The following ME3 variants were observed in gnomAD, a reference collection of about 807,000 sequenced individuals.
ME3 encodes NADP-dependent malic enzyme, mitochondrial.
Under a neutral mutation model 68.9 loss-of-function variants are expected in ME3, and 48 were observed. The observed-to-expected ratio is 0.70, with a 90% CI of 0.55 to 0.89. The LOEUF is 0.89. ME3 is among the 40% of genes least tolerant of loss of function. The pLI, the probability that ME3 is intolerant of heterozygous loss-of-function variation, is 0.00. For synonymous variants in ME3, 320 were observed against 318.8 expected (o/e 1.00, Z -0.04); for missense variants, 675 against 797.4 (o/e 0.85, Z 1.85).
intron 2 of ME3, among the ~76,000 whole-genome samples, chr11:86,596,661 A>C (rs1159947929): frequency 6.6e-6 from 1 of 152,218 alleles, no homozygotes; most frequent in African/African-American, 2.4e-5. Flanking sequence ...GACCTTAAGG[A>C]TCACCTAGGC....
At chr11:86,571,556 A>C (rs1020895995) in intron 2 of ME3, among the ~76,000 whole-genome samples, 1 of 152,250 alleles carries the variant, frequency 6.6e-6, no homozygotes, top group African/African-American at 2.4e-5. Context: ...TGAGAAATTG[A>C]ATTTTGTATT....
intron 2 of ME3, among the ~76,000 whole-genome samples, chr11:86,654,516 T>A (rs1359327861): frequency 3.9e-5 from 6 of 152,218 alleles, no homozygotes; most frequent in Admixed American, 3.9e-4. Context: ...TCTCAATAGA[T>A]GCAGAAAAGG....
intron 8 of ME3, among the ~76,000 whole-genome samples, chr11:86,459,373 T>G (rs1197099295): frequency 6.6e-6 from 1 of 152,166 alleles, no homozygotes; most frequent in Admixed American, 6.5e-5. Context: ...GTCTCCTCTT[T>G]CCTTCTTCCC....
intron 5 of ME3, among the ~76,000 whole-genome samples, chr11:86,502,333 C>T (rs1351394935): frequency 5.3e-5 from 8 of 152,196 alleles, no homozygotes; most frequent in African/African-American, 1.7e-4. Context: ...CACTCCCTTC[C>T]TTGTATTATA....
intron 2 of ME3, among the ~76,000 whole-genome samples, chr11:86,638,081 C>G (rs1944457396): frequency 6.6e-6 from 1 of 151,962 alleles, no homozygotes; most frequent in Non-Finnish European, 1.5e-5. Flanking sequence ...CCACAGGAGC[C>G]CCCCAGGCCT....
Position 86,600,226 on chromosome 11 carries a change from C to G in ME3, c.184-40403G>C, listed in dbSNP as rs571042774. Reference sequence around the variant, plus strand: ...GAAACCCATCTCACGTGCAGAGACACACATAGGCTCAAAATAAAAGGATGG... The same window carrying G: ...GAAACCCATCTCACGTGCAGAGACAGACATAGGCTCAAAATAAAAGGATGG... On this transcript the variant is annotated intron_variant, in intron 2 of 14. Transcript: ENST00000543262. 3.7e-4 allele frequency among the ~76,000 whole-genome samples: 56 copies of G among 152,092 alleles called. No homozygotes were observed. The South Asian group carries it at 0.012, about 32-fold the overall frequency.
At chr11:86,570,526 G>A (rs937421339) in intron 2 of ME3, among the ~76,000 whole-genome samples, 1 of 152,090 alleles carries the variant, frequency 6.6e-6, no homozygotes, top group Non-Finnish European at 1.5e-5. Flanking sequence ...TGGATATATG[G>A]GGATCTCAGA....
chr11:86,439,039 C>T (rs1483972462), downstream of ME3, among the ~76,000 whole-genome samples: 1 of 152,174 alleles, frequency 6.6e-6, no homozygotes, highest in Non-Finnish European at 1.5e-5. Context: ...GTAAGTCTCT[C>T]TTACTCAAGG....
At chr11:86,586,426 G>A (rs1334312656) in intron 2 of ME3, among the ~76,000 whole-genome samples, 1 of 152,180 alleles carries the variant, frequency 6.6e-6, no homozygotes, top group Non-Finnish European at 1.5e-5. Context: ...TTCTGACATG[G>A]TGGAATTTCA....
intron 4 of ME3, among the ~76,000 whole-genome samples, chr11:86,526,236 C>T (rs543711575): frequency 8.5e-5 from 13 of 152,330 alleles, no homozygotes; most frequent in African/African-American, 2.6e-4. Context: ...GTGCATGGCT[C>T]GGAGGGTCCT....
intron 11 of ME3, among the ~76,000 whole-genome samples, chr11:86,447,517 T>C (rs1397359714): frequency 6.6e-6 from 1 of 152,004 alleles, no homozygotes; most frequent in East Asian, 1.9e-4. Context: ...GATGCCAGGG[T>C]CTGCCTTGGG....
intron 4 of ME3, among the ~76,000 whole-genome samples, chr11:86,553,194 A>G (rs971788789): frequency 1.3e-5 from 2 of 152,164 alleles, no homozygotes; most frequent in African/African-American, 4.8e-5. Context: ...CTGCCCAGAG[A>G]CACTCAGGTG....
chr11:86,502,553 C>G (rs766065278), intron 5 of ME3, among the ~76,000 whole-genome samples: 2 of 152,198 alleles, frequency 1.3e-5, no homozygotes, highest in Non-Finnish European at 2.9e-5. Flanking sequence ...TTAACAAGTT[C>G]AGAGAGAAGA....
At chr11:86,658,217 G>A (rs1946043000) in intron 2 of ME3, among the ~76,000 whole-genome samples, 1 of 151,536 alleles carries the variant, frequency 6.6e-6, no homozygotes, top group Non-Finnish European at 1.5e-5. Context: ...TCCACCTCCC[G>A]AGTTCAAGCA....
chr11:86,549,549 G>C (rs748539864), intron 4 of ME3, among the ~76,000 whole-genome samples: 6 of 152,174 alleles, frequency 3.9e-5, no homozygotes, highest in Non-Finnish European at 7.3e-5. Flanking sequence ...GACATTAACT[G>C]GTCCAGTGTA....
intron 2 of ME3, among the ~76,000 whole-genome samples, chr11:86,601,764 T>C (rs983305984): frequency 3.9e-5 from 6 of 151,964 alleles, no homozygotes; most frequent in Non-Finnish European, 7.4e-5. Flanking sequence ...CATGATCAAG[T>C]GGGCTTCATC....
intron 2 of ME3, among the ~76,000 whole-genome samples, chr11:86,603,886 A>T: frequency 7.1e-6 from 1 of 140,770 alleles, no homozygotes; most frequent in Admixed American, 7.7e-5. Context: ...ATAGATGGGA[A>T]TTGAACAATG....
Position 86,530,138 on chromosome 11 carries a change from G to A in ME3, c.468-21271C>T, listed in dbSNP as rs532674729. On this transcript the variant is annotated intron_variant, in intron 4 of 14. Transcript: ENST00000543262. ...AGCCCAAAATCTCCTTAAGCTGACA[G>A]GCAACTTCAGCAAAATCTCAGGATA... 3.7e-4 allele frequency among the ~76,000 whole-genome samples: 57 copies of A among 152,282 alleles called. No individual in the cohort carries two copies. In the East Asian group the frequency reaches 7.5e-3, roughly 20 times the overall value.
chr11:86,619,295 G>C (rs1565224143), intron 2 of ME3, among the ~76,000 whole-genome samples: 1 of 152,154 alleles, frequency 6.6e-6, no homozygotes, highest in African/African-American at 2.4e-5. Context: ...AATCTTGTTG[G>C]TGAAAAATAC....
Sources: gnomAD v4.1 joint callset for allele counts (sites outside exome capture counted in the v4.1 genomes callset) on GRCh38, gnomAD v4.1.1 for gene constraint, MANE v1.5 for transcripts, NCBI Gene and HGNC (gene_info 2026-07-23, HGNC 2026-07-21) for gene names.